The following UNC13C variants were observed in gnomAD, a reference collection of about 807,000 sequenced individuals.
UNC13C encodes protein unc-13 homolog C.
A neutral mutation model predicts 245.4 loss-of-function variants in UNC13C; 174 were observed. The observed-to-expected ratio is 0.71, with a 90% confidence interval of 0.63 to 0.80. The LOEUF is 0.80. UNC13C is among the 30% of genes least tolerant of loss of function. UNC13C has a pLI of 0.00. For synonymous variants in UNC13C, 992 were observed against 895.1 expected, an observed-to-expected ratio of 1.11 and a Z score of -1.93; for missense variants, 2,829 against 2,602.9, an observed-to-expected ratio of 1.09 and a Z score of -1.89.
At chr15:54,558,823 T>A (rs569352269) in intron 29 of UNC13C, among the ~76,000 whole-genome samples, 1 of 152,066 alleles carries the variant, frequency 6.6e-6, no homozygotes, top group South Asian at 2.1e-4. Context: ...AGATAATCAG[T>A]CACCCAATCT....
At chr15:54,372,668 T>G (rs1010180682) in intron 17 of UNC13C, among the ~76,000 whole-genome samples, 1 of 152,230 alleles carries the variant, frequency 6.6e-6, no homozygotes, top group East Asian at 1.9e-4. Flanking sequence ...CATTATGTGT[T>G]TGGTATTCAT....
At chr15:54,128,892 A>G (rs2031232312) in intron 2 of UNC13C, among the ~76,000 whole-genome samples, 1 of 152,182 alleles carries the variant, frequency 6.6e-6, no homozygotes, top group African/African-American at 2.4e-5. Context: ...AGAAGTGGTC[A>G]AAGTCCTGAC....
At chr15:54,323,236 T>A (rs1033102069) in intron 14 of UNC13C, among the ~76,000 whole-genome samples, 8 of 151,998 alleles carry the variant, frequency 5.3e-5, no homozygotes, top group African/African-American at 1.9e-4. Context: ...TGCTCCTGTG[T>A]TTACTCTTTT....
chr15:54,403,104 T>G (rs2040220121), intron 18 of UNC13C, among the ~76,000 whole-genome samples: 1 of 152,192 alleles, frequency 6.6e-6, no homozygotes, highest in South Asian at 2.1e-4. Flanking sequence ...GTCTTGCAGT[T>G]CGAGAAACAG....
At chr15:54,021,932 T>C (rs1018531653) in intron 2 of UNC13C, among the ~76,000 whole-genome samples, 1 of 152,218 alleles carries the variant, frequency 6.6e-6, no homozygotes, top group African/African-American at 2.4e-5. Context: ...TCTAAACATA[T>C]CTAGCAGCAA....
intron 26 of UNC13C, among the ~76,000 whole-genome samples, chr15:54,538,438 G>A (rs763582874): frequency 5.3e-5 from 8 of 152,034 alleles, no homozygotes; most frequent in Non-Finnish European, 1.0e-4. Context: ...ACAGCTTGGA[G>A]AGTTCTCAAC....
intron 19 of UNC13C, among the ~76,000 whole-genome samples, chr15:54,427,569 A>G (rs944667189): frequency 1.3e-5 from 2 of 151,860 alleles, no homozygotes; most frequent in Admixed American, 6.6e-5. Context: ...AAAGAACTTC[A>G]GAATTACCCA....
intron 4 of UNC13C, among the ~76,000 whole-genome samples, chr15:54,165,326 C>T (rs1469131537): frequency 1.3e-5 from 2 of 152,058 alleles, no homozygotes; most frequent in Non-Finnish European, 2.9e-5. Flanking sequence ...TCAATAAATT[C>T]TGTAACAATA....
At chr15:54,525,779 T>C in intron 25 of UNC13C, 142 bp downstream of exon 25, 1 of 711,038 alleles carries the variant, frequency 1.4e-6, no homozygotes, top group Non-Finnish European at 2.4e-6. Context: ...CTCTGAAACA[T>C]CTGTTATGAC....
intron 7 of UNC13C, among the ~76,000 whole-genome samples, chr15:54,248,729 T>C (rs2036063750): frequency 6.6e-6 from 1 of 152,184 alleles, no homozygotes; most frequent in Admixed American, 6.5e-5. Flanking sequence ...TCACTTGAAG[T>C]ATAAAGAGCT....
the UNC13C span, among the ~76,000 whole-genome samples, chr15:53,844,134 G>A: frequency 6.6e-6 from 1 of 152,178 alleles, no homozygotes; most frequent in South Asian, 2.1e-4. Flanking sequence ...GAGCAGGAGA[G>A]ACACAACCTC....
intron 2 of UNC13C, among the ~76,000 whole-genome samples, chr15:54,064,240 C>T (rs987857162): frequency 6.6e-6 from 1 of 152,174 alleles, no homozygotes; most frequent in Admixed American, 6.5e-5. Context: ...ACAGAGAGAT[C>T]TATGGCTCCA....
Position 54,297,816 on chromosome 15 carries a change from A to G in UNC13C, c.3994A>G (p.Arg1332Gly). Residue 1332 changes from arginine to glycine, a missense_variant, in exon 12 of 33, where the codon AGG becomes GGG. Transcript: ENST00000260323. ...EMDVWYNLEK[R>G]TDKSAVSGAI... ...TTGCCTTTTTGCTTTATCAGAGAAA[A>G]GGACAGATAAGTCAGCTGTATCTGG... is the stretch of plus-strand genomic sequence containing the variant. 1 of 1,603,970 alleles carries G rather than the reference A, an allele frequency of 6.2e-7. No homozygotes were observed. Among genetic ancestry groups the G allele is most frequent in the Non-Finnish European group, 8.5e-7 (1 of 1,174,300 alleles).
At chr15:54,118,147 G>T (rs150032614) in intron 2 of UNC13C, among the ~76,000 whole-genome samples, 1 of 151,240 alleles carries the variant, frequency 6.6e-6, no homozygotes, top group South Asian at 2.1e-4. Flanking sequence ...GAGTTCTTAC[G>T]TGGTTCCATA....
At chr15:54,562,211 C>T (rs1897323737) in intron 29 of UNC13C, among the ~76,000 whole-genome samples, 1 of 151,926 alleles carries the variant, frequency 6.6e-6, no homozygotes, top group Admixed American at 6.6e-5. Context: ...GAAAGAACTC[C>T]AGCATTCACA....
At position 54,593,544 on chromosome 15, in the gene UNC13C, G is replaced by A. The variant is rs28789427; in HGVS notation, c.6106+25597G>A. 8.3e-3 allele frequency among the ~76,000 whole-genome samples: 1,255 copies of A among 151,890 alleles called. 13 individuals are homozygous for A. The highest frequency in any genetic ancestry group is 0.028 in the African/African-American group (1,169 of 41,468). On this transcript the variant is annotated intron_variant, in intron 30 of 32. Coordinates refer to ENST00000260323, the MANE Select transcript of UNC13C (RefSeq NM_001080534.3). ...ACATTTTCTTATTCTTTTTGTCTTT[G>A]TCTTTGTTGGATTGGGTTTATTCAA...
intron 19 of UNC13C, among the ~76,000 whole-genome samples, chr15:54,467,357 A>G (rs1432337867): frequency 2.0e-5 from 3 of 151,630 alleles, no homozygotes; most frequent in Non-Finnish European, 4.4e-5. Flanking sequence ...AAGTACACAA[A>G]CTTGAGTGTA....
At chr15:54,263,140 T>TA (rs1324580318) in intron 8 of UNC13C, among the ~76,000 whole-genome samples, 2 of 152,178 alleles carry the variant, frequency 1.3e-5, no homozygotes, top group Admixed American at 6.5e-5. Flanking sequence ...TAGGCAAACT[T>TA]ACAGTCATGT....
chr15:54,469,114 A>G (rs1056028166), intron 19 of UNC13C, among the ~76,000 whole-genome samples: 22 of 151,600 alleles, frequency 1.5e-4, no homozygotes, highest in African/African-American at 5.3e-4. Context: ...TCTTTTATCA[A>G]TGTTTTAGAG....
Sources: gnomAD v4.1 joint callset for allele counts (sites outside exome capture counted in the v4.1 genomes callset) on GRCh38, gnomAD v4.1.1 for gene constraint, MANE v1.5 for transcripts, NCBI Gene and HGNC (gene_info 2026-07-23, HGNC 2026-07-21) for gene names.